The following DOCK3 variants were observed in gnomAD, a reference collection of about 807,000 sequenced individuals.
DOCK3 encodes dedicator of cytokinesis 3, also known as dedicator of cytokinesis protein 3.
DOCK3 carries 60 observed loss-of-function variants against 265.6 expected under a neutral mutation model. That is an observed-to-expected ratio of 0.23 (90% CI 0.18 to 0.28). DOCK3 has a LOEUF of 0.28. DOCK3 is among the 10% of genes least tolerant of loss of function. The pLI, the probability that DOCK3 is intolerant of heterozygous loss-of-function variation, is 1.00. For synonymous variants in DOCK3, 881 were observed against 938.0 expected, an observed-to-expected ratio of 0.94 and a Z score of 1.11; for missense variants, 1,981 against 2,594.3, an observed-to-expected ratio of 0.76 and a Z score of 5.14.
chr3:50,718,771 ATTTTTTTTTTTTTTTT>A (rs373965842), intron 1 of DOCK3, among the ~76,000 whole-genome samples: 34 of 76,966 alleles, frequency 4.4e-4, no homozygotes, highest in African/African-American at 1.4e-3. Context: ...TTGTGGGTTG[ATTTTTTTTTTTTTTTT>A]TTTTTTTTTT....
intron 1 of DOCK3, among the ~76,000 whole-genome samples, chr3:50,714,038 C>T (rs1478889695): frequency 6.6e-6 from 1 of 151,890 alleles, no homozygotes; most frequent in African/African-American, 2.4e-5. Context: ...GGATGGAGTG[C>T]AGAGGCAGTT....
At chr3:50,716,587 A>AT (rs35490586) in intron 1 of DOCK3, among the ~76,000 whole-genome samples, 1,749 of 147,434 alleles carry the variant, frequency 0.012, 12 homozygotes, top group Non-Finnish European at 0.019. Context: ...ATATATATTT[A>AT]TTTTTTTTTT....
At chr3:51,016,950 AATATATATAT>A (rs2079366746) in intron 5 of DOCK3, among the ~76,000 whole-genome samples, 1 of 31,046 alleles carries the variant, frequency 3.2e-5, no homozygotes. Flanking sequence ...TGTTATATAT[AATATATATAT>A]TATATATATA....
At chr3:51,312,735 G>A in intron 30 of DOCK3, 109 bp from the exon 31 acceptor site, 2 of 1,318,380 alleles carry the variant, frequency 1.5e-6, no homozygotes, top group South Asian at 2.7e-5. Context: ...TTAGCGCATT[G>A]GGAAGCATTA....
intron 2 of DOCK3, among the ~76,000 whole-genome samples, chr3:50,839,170 T>G (rs945120072): frequency 8.5e-5 from 13 of 152,354 alleles, no homozygotes; most frequent in African/African-American, 2.9e-4. Flanking sequence ...TTAGCTCATT[T>G]CTTTTTGTCT....
intron 13 of DOCK3, among the ~76,000 whole-genome samples, chr3:51,210,159 A>G (rs1482988927): frequency 1.3e-5 from 2 of 152,150 alleles, no homozygotes; most frequent in Non-Finnish European, 2.9e-5. Flanking sequence ...TTTAAAAGAG[A>G]GATGATAGTA....
At chr3:51,166,111 C>T (rs541558001) in intron 12 of DOCK3, among the ~76,000 whole-genome samples, 57 of 147,898 alleles carry the variant, frequency 3.9e-4, no homozygotes, top group South Asian at 8.5e-4. Context: ...AATGCAATGG[C>T]GCAATCTCAG....
At chr3:50,685,024 T>G (rs566825169) in intron 1 of DOCK3, among the ~76,000 whole-genome samples, 2 of 124,214 alleles carry the variant, frequency 1.6e-5, no homozygotes, top group South Asian at 5.0e-4. Flanking sequence ...TCTTTTTAGT[T>G]TTTTTTTTAT....
chr3:51,066,938 C>G (rs2081611532), intron 6 of DOCK3, among the ~76,000 whole-genome samples: 1 of 152,264 alleles, frequency 6.6e-6, no homozygotes. Flanking sequence ...TACCATAGAT[C>G]AGTGTTCCCT....
At chr3:51,213,900 TTAATAGAC>T (rs1405326682) in intron 13 of DOCK3, among the ~76,000 whole-genome samples, 2 of 152,198 alleles carry the variant, frequency 1.3e-5, no homozygotes, top group African/African-American at 4.8e-5. Flanking sequence ...CAGTCTATGT[TTAATAGAC>T]TAATTCTCTG....
At chr3:51,041,407 C>T (rs941817909) in intron 5 of DOCK3, among the ~76,000 whole-genome samples, 7 of 150,422 alleles carry the variant, frequency 4.7e-5, no homozygotes, top group South Asian at 4.2e-4. Flanking sequence ...TTAGTAGAGA[C>T]GGGGTTTCAC....
At chr3:50,756,213 G>A (rs188260087) in intron 1 of DOCK3, among the ~76,000 whole-genome samples, 3 of 152,292 alleles carry the variant, frequency 2.0e-5, no homozygotes, top group East Asian at 3.9e-4. Flanking sequence ...ATTTGGGGAC[G>A]TTTTTCCCTT....
At chr3:50,745,142 A>G (rs999364824) in intron 1 of DOCK3, among the ~76,000 whole-genome samples, 3 of 151,848 alleles carry the variant, frequency 2.0e-5, no homozygotes, top group African/African-American at 7.3e-5. Flanking sequence ...ACAGAGTCTC[A>G]CTCTGTTGCT....
intron 4 of DOCK3, among the ~76,000 whole-genome samples, chr3:50,907,602 C>G (rs904323821): frequency 2.0e-5 from 3 of 151,932 alleles, no homozygotes; most frequent in Non-Finnish European, 4.4e-5. Context: ...TTTCCATTTG[C>G]TTGGTAGATC....
At chr3:50,980,536 T>C (rs1292274530) in intron 5 of DOCK3, among the ~76,000 whole-genome samples, 1 of 152,180 alleles carries the variant, frequency 6.6e-6, no homozygotes, top group African/African-American at 2.4e-5. Context: ...AGAACTGGTG[T>C]TAGTTTTTCT....
At chr3:51,112,434 A>G (rs2083561093) in intron 9 of DOCK3, among the ~76,000 whole-genome samples, 1 of 152,238 alleles carries the variant, frequency 6.6e-6, no homozygotes, top group Admixed American at 6.5e-5. Flanking sequence ...AAAGATCACA[A>G]CAGAACCTTT....
intron 1 of DOCK3, among the ~76,000 whole-genome samples, chr3:50,748,986 C>T (rs2039622574): frequency 1.3e-5 from 2 of 152,066 alleles, no homozygotes; most frequent in African/African-American, 4.8e-5. Context: ...TAGAAAATAG[C>T]CATCTAGATT....
chr3:50,996,695 G>A (rs1285850945), intron 5 of DOCK3, among the ~76,000 whole-genome samples: 2 of 152,084 alleles, frequency 1.3e-5, no homozygotes, highest in Admixed American at 1.3e-4. Flanking sequence ...AAAAAGAGAA[G>A]AAAAGAGGAA....
intron 2 of DOCK3, among the ~76,000 whole-genome samples, chr3:50,806,254 G>C (rs2043407272): frequency 6.6e-6 from 1 of 152,100 alleles, no homozygotes; most frequent in African/African-American, 2.4e-5. Flanking sequence ...AGGCTGCTCA[G>C]TCAGCTCAGG....
Sources: gnomAD v4.1 joint callset for allele counts (sites outside exome capture counted in the v4.1 genomes callset) on GRCh38, gnomAD v4.1.1 for gene constraint, MANE v1.5 for transcripts, NCBI Gene and HGNC (gene_info 2026-07-23, HGNC 2026-07-21) for gene names.